Variants in NBPF11 observed in about 807,000 individuals in gnomAD.
NBPF11 encodes the protein NBPF family member NBPF11.
In NBPF11, 72 loss-of-function variants were observed where a neutral mutation model predicts 93.9. The ratio of observed to expected loss-of-function variants is 0.77; its 90% CI spans 0.63 to 0.93. NBPF11 has a LOEUF of 0.93. NBPF11 is among the 40% of genes least tolerant of loss of function. The pLI is 0.00. For missense variants in NBPF11, 705 were observed against 802.2 expected, an observed-to-expected ratio of 0.88 and a Z score of 1.46; for synonymous variants, 224 against 304.9, an observed-to-expected ratio of 0.73 and a Z score of 2.76.
chr1:148,114,365 C>T, intron 15 of NBPF11, 72 bp downstream of exon 15: 5 of 574,158 alleles, frequency 8.7e-6, no homozygotes, highest in Non-Finnish European at 1.2e-5. Flanking sequence ...TTCATCACTT[C>T]CTCATTTTCC....
chr1:148,149,278 C>T, intron 1 of NBPF11: 1 of 1,596,732 alleles, frequency 6.3e-7, no homozygotes, highest in Non-Finnish European at 8.5e-7. Flanking sequence ...CGCCGCTCAC[C>T]TCGGGCATGC....
At chr1:148,133,560 G>C (rs1670780924) in intron 4 of NBPF11, among the ~76,000 whole-genome samples, 1 of 152,008 alleles carries the variant, frequency 6.6e-6, no homozygotes, top group Non-Finnish European at 1.5e-5. Context: ...TTTCAATTTT[G>C]CCAAATGCTT....
At position 148,122,176 on chromosome 1, in the gene NBPF11, G is replaced by T. The variant is rs1290230847; in HGVS notation, c.657C>A (p.Asp219Glu). The T allele has an allele frequency of 1.9e-6, 3 of 1,612,762 alleles. No individual in the cohort carries two copies. The African/African-American group carries it at 4.0e-5, about 22-fold the overall frequency. Residue 219 changes from aspartate to glutamate, a missense_variant, in exon 9 of 24, where the codon GAC becomes GAA. Coordinates refer to ENST00000682118, the MANE Select transcript of NBPF11 (RefSeq NM_001385469.3). ...ITCSNSHGPC[D>E]SIQPHKNIKI... is the part of the protein sequence containing the mutation. Reference sequence around the variant, plus strand: ...TGATGTTCTTGTGAGGCTGGATGGAGTCACAAGGGCCGTGGCTATTTGAAC... The same window carrying T: ...TGATGTTCTTGTGAGGCTGGATGGATTCACAAGGGCCGTGGCTATTTGAAC...
intron 6 of NBPF11, among the ~76,000 whole-genome samples, chr1:148,124,440 G>C (rs1175676898): frequency 6.7e-6 from 1 of 148,880 alleles, no homozygotes; most frequent in Non-Finnish European, 1.5e-5. Flanking sequence ...GCCATGTACA[G>C]AAATGAGGCC....
intron 5 of NBPF11, 129 bp from the exon 6 acceptor site, chr1:148,125,130 T>G: frequency 1.3e-6 from 1 of 778,230 alleles, no homozygotes; most frequent in Non-Finnish European, 2.1e-6. Context: ...TAGACAGGGA[T>G]TTCCACATCT....
Position 148,103,694 on chromosome 1 carries a change from T to C in NBPF11, c.*202A>G. 6.2e-7 allele frequency: 1 copy of C among 1,611,344 alleles called. No homozygotes were observed. The highest frequency in any genetic ancestry group is 8.5e-7 in the Non-Finnish European group (1 of 1,179,326). On this transcript the variant is annotated 3_prime_UTR_variant, in exon 24 of 24. Transcript: ENST00000682118. The stretch of plus-strand genomic sequence containing the variant: ...TTATTGTGGGAATATGACTCCCATC[T>C]GGAAGACCAGGTGGAGACTTCTCAC...
At position 148,129,364 on chromosome 1, in the gene NBPF11, C is replaced by T. The variant is rs1295170710; in HGVS notation, c.-35-2326G>A. ...TGGCGGAGCGAGGGCTACTGCACAGCTAGCAGAGTCGTGGCGAGGAGGACA... is the reference window on the plus strand; with the variant it reads ...TGGCGGAGCGAGGGCTACTGCACAGTTAGCAGAGTCGTGGCGAGGAGGACA... On this transcript the variant is annotated intron_variant, in intron 4 of 23. Transcript: ENST00000682118. 2.5e-4 allele frequency: 38 copies of T among 150,510 alleles called. 2 individuals carry two copies. The highest frequency in any genetic ancestry group is 8.6e-4 in the African/African-American group (35 of 40,652). The allele number at this position is 150,510 out of a possible 1,614,324, so 9.3% of individuals were successfully genotyped here. A position where few individuals can be genotyped will look rare whatever the true frequency, so the allele number is the denominator to read the frequency against.
At chr1:148,120,786 T>C in intron 9 of NBPF11, 76 bp from the exon 10 acceptor site, 2 of 1,053,386 alleles carry the variant, frequency 1.9e-6, no homozygotes, top group East Asian at 2.4e-5. Context: ...GACTGAGGGA[T>C]GTCACTGGTA....
intron 2 of NBPF11, among the ~76,000 whole-genome samples, chr1:148,142,074 A>AGGGAGGGAGGGAGGGAGGCAGGG (rs1672282532): frequency 8.1e-6 from 1 of 123,000 alleles, no homozygotes; most frequent in Non-Finnish European, 1.7e-5. Context: ...GGGAGGAAGA[A>AGGGAGGGAGGGAGGGAGGCAGGG]AGGAAGGGAG....
intron 4 of NBPF11, among the ~76,000 whole-genome samples, chr1:148,134,069 C>T (rs1402472154): frequency 7.2e-5 from 11 of 152,040 alleles, no homozygotes; most frequent in African/African-American, 2.2e-4. Flanking sequence ...CAAATCCATG[C>T]AGCATCTCCC....
At chr1:148,121,732 G>A (rs1376198046) in intron 9 of NBPF11, among the ~76,000 whole-genome samples, 2 of 151,920 alleles carry the variant, frequency 1.3e-5, no homozygotes, top group Admixed American at 6.5e-5. Flanking sequence ...AGGGTGGGAG[G>A]ATCATCTCAG....
chr1:148,111,861 AG>A (rs1665362560), intron 15 of NBPF11, among the ~76,000 whole-genome samples: 1 of 151,162 alleles, frequency 6.6e-6, no homozygotes, highest in Admixed American at 6.6e-5. Flanking sequence ...TCCCCAACCT[AG>A]CAAGGAAGGC....
intron 2 of NBPF11, among the ~76,000 whole-genome samples, chr1:148,139,069 G>A (rs1671795068): frequency 6.7e-6 from 1 of 150,370 alleles, no homozygotes; most frequent in African/African-American, 2.5e-5. Context: ...CGAGCCCAAG[G>A]AAAAGAGAAA....
chr1:148,126,682 T>C lies in NBPF11; in HGVS notation c.175+147A>G, dbSNP rs1483279365. On this transcript the variant is annotated intron_variant, in intron 5 of 23. Coordinates refer to ENST00000682118, the MANE Select transcript of NBPF11 (RefSeq NM_001385469.3). ...CATGGAAAGTTGCTAAATACTTTGG[T>C]ACCTCTGTCTTCCAACTTTAACAAA... 6.3e-4 allele frequency: 411 copies of C among 650,194 alleles called. 1 individual carries two copies. Among genetic ancestry groups the C allele is most frequent in the Non-Finnish European group, 1.0e-3 (372 of 365,358 alleles). The allele number at this position is 650,194 out of a possible 1,614,324, so 40.3% of individuals were successfully genotyped here. A position where few individuals can be genotyped will look rare whatever the true frequency, so the allele number is the denominator to read the frequency against.
intron 5 of NBPF11, among the ~76,000 whole-genome samples, chr1:148,125,722 A>G (rs1668960580): frequency 6.6e-6 from 1 of 152,026 alleles, no homozygotes; most frequent in Non-Finnish European, 1.5e-5. Context: ...TCGACAGGAA[A>G]TACCTCATGT....
At chr1:148,148,714 C>A (rs1164864485) in intron 1 of NBPF11, among the ~76,000 whole-genome samples, 2 of 151,990 alleles carry the variant, frequency 1.3e-5, no homozygotes, top group Admixed American at 1.3e-4. Context: ...GCAAGGGCTG[C>A]AGGGAGGAAG....
chr1:148,102,268 C>G lies in NBPF11; in HGVS notation c.*1628G>C, dbSNP rs1352670287. ...GCAGACACTAGTAAAAACAAAGGCA[C>G]AGTAAAAATTGAGACCCAAAATTTG... On this transcript the variant is annotated 3_prime_UTR_variant, in exon 24 of 24. Transcript: ENST00000682118. The G allele has an allele frequency of 4.6e-5, 7 of 151,704 alleles. No individual in the cohort carries two copies. The highest frequency in any genetic ancestry group is 1.3e-4 in the Admixed American group (2 of 15,258). 9.4% of individuals were successfully genotyped at this position (151,704 alleles called of 1,614,324 possible). A position where few individuals can be genotyped will look rare whatever the true frequency, so the allele number is the denominator to read the frequency against.
chr1:148,122,530 T>C (rs1668105508), intron 8 of NBPF11, among the ~76,000 whole-genome samples, 199 bp downstream of exon 8: 2 of 152,066 alleles, frequency 1.3e-5, no homozygotes, highest in Non-Finnish European at 1.5e-5. Context: ...GCTATCCCTG[T>C]ATGGTACAGA....
Position 148,122,275 on chromosome 1 carries a change from C to T in NBPF11, c.567-9G>A. The T allele has an allele frequency of 6.2e-7, 1 of 1,609,156 alleles. No individual in the cohort carries two copies. Among genetic ancestry groups the T allele is most frequent in the East Asian group, 2.2e-5 (1 of 44,856 alleles). On this transcript the variant is annotated splice_polypyrimidine_tract_variant and intron_variant, in intron 8 of 23. Coordinates refer to ENST00000682118, the MANE Select transcript of NBPF11 (RefSeq NM_001385469.3). ...CAGCCTTCTGCACCTCCCTGATGAG[C>T]CAGGTGGGACAGAGATGACAGAAGA... is the stretch of plus-strand genomic sequence containing the variant.
Sources: gnomAD v4.1 joint callset for allele counts (sites outside exome capture counted in the v4.1 genomes callset) on GRCh38, gnomAD v4.1.1 for gene constraint, MANE v1.5 for transcripts, NCBI Gene and HGNC (gene_info 2026-07-23, HGNC 2026-07-21) for gene names.